Variants in COG5 observed in about 807,000 individuals in gnomAD.
COG5 encodes the protein conserved oligomeric Golgi complex subunit 5.
COG5 carries 86 observed loss-of-function variants against 110.4 expected under a neutral mutation model. The ratio of observed to expected loss-of-function variants is 0.78; its 90% CI spans 0.65 to 0.93. The LOEUF (loss-of-function observed/expected upper bound fraction) is 0.93. Ranked by LOEUF, COG5 falls within the 40% of genes least tolerant of loss-of-function variation. The pLI is 0.00. For missense variants in COG5, 1,077 were observed against 987.0 expected, an observed-to-expected ratio of 1.09 and a Z score of -1.22; for synonymous variants, 360 against 334.6, an observed-to-expected ratio of 1.08 and a Z score of -0.83.
At chr7:107,359,278 G>A (rs922209257) in intron 10 of COG5, among the ~76,000 whole-genome samples, 1 of 152,368 alleles carries the variant, frequency 6.6e-6, no homozygotes, top group African/African-American at 2.4e-5. Context: ...GAGCCCAGGT[G>A]CTGTCACATC....
At chr7:107,302,714 G>T (rs1807378042) in intron 11 of COG5, among the ~76,000 whole-genome samples, 1 of 152,132 alleles carries the variant, frequency 6.6e-6, no homozygotes, top group South Asian at 2.1e-4. Context: ...AATCTTGAGA[G>T]ATATGGTAAC....
At chr7:107,364,935 A>G (rs1813461321) in intron 8 of COG5, among the ~76,000 whole-genome samples, 1 of 152,162 alleles carries the variant, frequency 6.6e-6, no homozygotes, top group Non-Finnish European at 1.5e-5. Flanking sequence ...GGGAAGGTAT[A>G]CAGGAAATGG....
intron 21 of COG5, chr7:107,208,583 G>A (rs577418980): frequency 1.0e-6 from 1 of 985,300 alleles, no homozygotes; most frequent in Non-Finnish European, 1.2e-6. Flanking sequence ...GCAAATCCCT[G>A]TGTTAGCCCA....
chr7:107,228,171 C>T (rs952794794), intron 19 of COG5, among the ~76,000 whole-genome samples: 4 of 151,864 alleles, frequency 2.6e-5, no homozygotes, highest in African/African-American at 4.8e-5. Context: ...CATGGTGGCA[C>T]ACACCTGTAG....
At chr7:107,394,030 C>G (rs1790810444) in intron 7 of COG5, among the ~76,000 whole-genome samples, 1 of 151,680 alleles carries the variant, frequency 6.6e-6, no homozygotes, top group Non-Finnish European at 1.5e-5. Context: ...GGCACAATCT[C>G]AGCTCACTGC....
intron 6 of COG5, among the ~76,000 whole-genome samples, chr7:107,479,537 G>C (rs1563058312): frequency 6.6e-6 from 1 of 152,024 alleles, no homozygotes; most frequent in Admixed American, 6.6e-5. Context: ...CGTGAAGGCA[G>C]AGTCAATATT....
Position 107,529,024 on chromosome 7 carries a change from T to TAAA in COG5, c.418-1670_418-1668dup, listed in dbSNP as rs58281094. Among the ~76,000 whole-genome samples the TAAA allele has an allele frequency of 2.2e-3, 214 of 97,846 alleles. 4 individuals are homozygous for TAAA. The highest frequency in any genetic ancestry group is 8.5e-3 in the African/African-American group (170 of 20,076). 64.2% of individuals were successfully genotyped at this position (97,846 alleles called of 152,430 possible). A position where few individuals can be genotyped will look rare whatever the true frequency, so the allele number is the denominator to read the frequency against. On this transcript the variant is annotated intron_variant, in intron 5 of 21. Transcript: ENST00000297135. ...GAGAAACTAATCTGAAATACTTAAA[T>TAAA]AAAAAAAAAAAAAAAGGAATGCCAA...
chr7:107,403,456 G>A (rs895415313), intron 7 of COG5, among the ~76,000 whole-genome samples: 1 of 150,974 alleles, frequency 6.6e-6, no homozygotes, highest in South Asian at 2.1e-4. Context: ...TGTTATATAG[G>A]TATACACGTG....
At chr7:107,415,887 TAC>T (rs1204026271) in intron 6 of COG5, among the ~76,000 whole-genome samples, 1,120 of 111,722 alleles carry the variant, frequency 0.01, 322 homozygotes, top group Non-Finnish European at 0.016. Flanking sequence ...TGTGTGTATA[TAC>T]ACACACATAC....
intron 7 of COG5, among the ~76,000 whole-genome samples, chr7:107,407,330 C>T (rs935746699): frequency 6.6e-6 from 1 of 152,040 alleles, no homozygotes; most frequent in African/African-American, 2.4e-5. Context: ...TTCAGTGAGC[C>T]GAGATCGTGC....
intron 7 of COG5, among the ~76,000 whole-genome samples, chr7:107,384,230 G>A (rs151090669): frequency 5.3e-5 from 8 of 152,082 alleles, no homozygotes; most frequent in South Asian, 2.1e-4. Context: ...CCAAAATAGC[G>A]CCCCCTGTCA....
intron 6 of COG5, among the ~76,000 whole-genome samples, chr7:107,440,996 G>A (rs1470370673): frequency 1.3e-5 from 2 of 152,108 alleles, no homozygotes; most frequent in Non-Finnish European, 2.9e-5. Context: ...GCTCATGCCT[G>A]TAATCCCAGC....
chr7:107,433,282 T>A (rs1794148262), intron 6 of COG5, among the ~76,000 whole-genome samples: 1 of 152,168 alleles, frequency 6.6e-6, no homozygotes. Flanking sequence ...ATCTACAGAT[T>A]TAATGCAATC....
intron 21 of COG5, chr7:107,210,306 G>A: frequency 7.0e-7 from 1 of 1,423,274 alleles, no homozygotes; most frequent in South Asian, 1.5e-5. Context: ...GCACATCAGG[G>A]ATATGAAGGT....
chr7:107,295,097 A>T (rs866983562), intron 12 of COG5, among the ~76,000 whole-genome samples: 49 of 70,578 alleles, frequency 6.9e-4, no homozygotes, highest in African/African-American at 1.9e-3. Context: ...ATATATATAT[A>T]TATATTTTTT....
chr7:107,239,682 ATT>A (rs1801464353), intron 17 of COG5, among the ~76,000 whole-genome samples: 1 of 152,152 alleles, frequency 6.6e-6, no homozygotes, highest in Non-Finnish European at 1.5e-5. Context: ...AACAAAATGC[ATT>A]TTGTTTCCAT....
chr7:107,294,634 A>C (rs1242731500), intron 12 of COG5, among the ~76,000 whole-genome samples: 1 of 147,522 alleles, frequency 6.8e-6, no homozygotes, highest in Non-Finnish European at 1.5e-5. Flanking sequence ...AATCTTAAAC[A>C]CTTCCCTTCT....
At chr7:107,361,595 T>G (rs1232302629) in intron 10 of COG5, among the ~76,000 whole-genome samples, 1 of 152,232 alleles carries the variant, frequency 6.6e-6, no homozygotes, top group Admixed American at 6.5e-5. Context: ...AGAGTTTCAC[T>G]CTGTCGCCGA....
chr7:107,248,645 C>T (rs1418120402), intron 16 of COG5, 146 bp from the exon 17 acceptor site: 7 of 660,234 alleles, frequency 1.1e-5, no homozygotes, highest in Non-Finnish European at 1.9e-5. Context: ...TGCTCCTCTC[C>T]CTAACCACTG....
Sources: gnomAD v4.1 joint callset for allele counts (sites outside exome capture counted in the v4.1 genomes callset) on GRCh38, gnomAD v4.1.1 for gene constraint, MANE v1.5 for transcripts, NCBI Gene and HGNC (gene_info 2026-07-23, HGNC 2026-07-21) for gene names.